Variants in LRP1B observed in about 807,000 individuals in gnomAD.
The protein encoded by LRP1B is low-density lipoprotein receptor-related protein 1B.
Under a neutral mutation model 556.6 loss-of-function variants are expected in LRP1B, and 217 were observed. The ratio of observed to expected loss-of-function variants is 0.39; its 90% CI spans 0.35 to 0.44. The LOEUF (loss-of-function observed/expected upper bound fraction) is 0.44, where lower values mean the gene tolerates loss of function less well. Among genes scored for constraint, LRP1B ranks in the 20% least tolerant of loss-of-function variants. The pLI is 1.00. For missense variants in LRP1B, 5,053 were observed against 5,620.8 expected (o/e 0.90, Z 3.23); for synonymous variants, 2,047 against 1,865.8 (o/e 1.10, Z -2.50).
intron 2 of LRP1B, among the ~76,000 whole-genome samples, chr2:141,648,779 C>A (rs1689676828): frequency 6.6e-6 from 1 of 152,128 alleles, no homozygotes; most frequent in Admixed American, 6.6e-5. Flanking sequence ...GGAGGAGAAA[C>A]TTTCAGATAC....
intron 1 of LRP1B, among the ~76,000 whole-genome samples, chr2:141,931,086 T>C (rs910297461): frequency 3.3e-5 from 5 of 152,036 alleles, no homozygotes; most frequent in African/African-American, 1.2e-4. Context: ...TGAGGAAATA[T>C]TATGTGTTAG....
chr2:141,383,079 C>T (rs978496079), intron 3 of LRP1B, among the ~76,000 whole-genome samples: 6 of 152,066 alleles, frequency 3.9e-5, no homozygotes, highest in African/African-American at 1.4e-4. Context: ...TATACATTTT[C>T]CAAAGAAGAC....
intron 3 of LRP1B, chr2:141,286,783 G>T: frequency 2.4e-6 from 1 of 419,680 alleles, no homozygotes; most frequent in Non-Finnish European, 5.0e-6. Flanking sequence ...CATTGTACAA[G>T]TGTATAAACT....
chr2:141,684,886 G>C (rs1239964961), intron 2 of LRP1B, among the ~76,000 whole-genome samples: 1 of 152,018 alleles, frequency 6.6e-6, no homozygotes, highest in Non-Finnish European at 1.5e-5. Flanking sequence ...AAATTATACA[G>C]GGATGGAAAA....
In LRP1B at chr2:141,247,466, C is replaced by T. The variant is rs1373236761; in HGVS notation, c.464-112G>A. 3 of 1,230,320 alleles carry T rather than the reference C, an allele frequency of 2.4e-6. No homozygotes were observed. In the African/African-American group the frequency reaches 4.5e-5, roughly 19 times the overall value. 76.2% of individuals were successfully genotyped at this position (1,230,320 alleles called of 1,614,324 possible). On this transcript the variant is annotated intron_variant, in intron 4 of 90. Transcript: ENST00000389484. ...CGGAAATAGACTATTAAGGAAAAGCCAATTCCAATAAGTCTTTTCAAAACC... is the reference window on the plus strand; with the variant it reads ...CGGAAATAGACTATTAAGGAAAAGCTAATTCCAATAAGTCTTTTCAAAACC...
intron 20 of LRP1B, among the ~76,000 whole-genome samples, chr2:140,946,873 C>T (rs1194323652): frequency 3.3e-5 from 5 of 152,060 alleles, no homozygotes; most frequent in Admixed American, 1.3e-4. Flanking sequence ...TCATTTACAG[C>T]GACATGAATG....
At chr2:141,594,553 A>T (rs1687449167) in intron 2 of LRP1B, among the ~76,000 whole-genome samples, 1 of 152,170 alleles carries the variant, frequency 6.6e-6, no homozygotes, top group South Asian at 2.1e-4. Context: ...GTGTCTAAGC[A>T]ACATGGACAA....
chr2:140,483,399 A>C (rs556644935), intron 59 of LRP1B, among the ~76,000 whole-genome samples: 1 of 151,876 alleles, frequency 6.6e-6, no homozygotes, highest in South Asian at 2.1e-4. Flanking sequence ...ATTCACTAGA[A>C]TAGGACACAG....
chr2:140,715,345 T>C (rs1559072391), intron 37 of LRP1B, among the ~76,000 whole-genome samples: 1 of 151,844 alleles, frequency 6.6e-6, no homozygotes, highest in Non-Finnish European at 1.5e-5. Context: ...TTAATTAGGG[T>C]AAAGATAAAG....
At chr2:141,862,367 T>C (rs1303827057) in intron 1 of LRP1B, among the ~76,000 whole-genome samples, 3 of 152,152 alleles carry the variant, frequency 2.0e-5, no homozygotes, top group African/African-American at 7.2e-5. Context: ...ATTACTAGAA[T>C]TGGATCCGCA....
At chr2:141,360,294 T>A (rs1471809879) in intron 3 of LRP1B, among the ~76,000 whole-genome samples, 1 of 152,226 alleles carries the variant, frequency 6.6e-6, no homozygotes, top group East Asian at 1.9e-4. Context: ...AATATCCAAG[T>A]CAGGACCAAA....
intron 2 of LRP1B, among the ~76,000 whole-genome samples, chr2:141,544,321 TCTTC>T (rs1685414174): frequency 2.1e-5 from 1 of 47,298 alleles, no homozygotes; most frequent in African/African-American, 1.0e-4. Flanking sequence ...TTCTTCTTCT[TCTTC>T]TTCTTCTTCT....
intron 1 of LRP1B, among the ~76,000 whole-genome samples, chr2:141,986,718 A>G (rs1702196850): frequency 6.6e-6 from 1 of 151,978 alleles, no homozygotes. Context: ...TAACTGATGA[A>G]GATGTAAATA....
intron 3 of LRP1B, among the ~76,000 whole-genome samples, chr2:141,346,123 CTTT>C (rs1432526141): frequency 1.3e-5 from 2 of 151,782 alleles, no homozygotes; most frequent in East Asian, 3.9e-4. Context: ...CACCAATTGT[CTTT>C]TTCTTCCATG....
In LRP1B at chr2:141,178,579, A is replaced by G. The variant is rs147673723; in HGVS notation, c.1013+9842T>C. Reference sequence around the variant, plus strand: ...ATGTAGCATATCCTATGTATGAGGGAAAAGATATTTAAATATTTGGTAGCC... The same window carrying G: ...ATGTAGCATATCCTATGTATGAGGGGAAAGATATTTAAATATTTGGTAGCC... On this transcript the variant is annotated intron_variant, in intron 7 of 90. Coordinates refer to ENST00000389484, the MANE Select transcript of LRP1B (RefSeq NM_018557.3). Among the ~76,000 whole-genome samples the G allele has an allele frequency of 6.8e-3, 1,041 of 152,194 alleles. 41 individuals are homozygous for G. Among genetic ancestry groups the G allele is most frequent in the Admixed American group, 0.055 (837 of 15,262 alleles).
chr2:140,312,615 T>TAAA (rs1684353804), intron 83 of LRP1B, among the ~76,000 whole-genome samples: 1 of 151,944 alleles, frequency 6.6e-6, no homozygotes, highest in Non-Finnish European at 1.5e-5. Context: ...TTACTCTGAT[T>TAAA]TCAATTATTT....
chr2:141,037,905 A>AACAC (rs3061748), intron 11 of LRP1B, among the ~76,000 whole-genome samples: 5 of 151,010 alleles, frequency 3.3e-5, no homozygotes, highest in South Asian at 4.2e-4. Flanking sequence ...CTCACATACA[A>AACAC]ACACACACAC....
chr2:141,489,327 A>G (rs1683247842), intron 2 of LRP1B, among the ~76,000 whole-genome samples: 1 of 151,222 alleles, frequency 6.6e-6, no homozygotes, highest in Non-Finnish European at 1.5e-5. Flanking sequence ...AGTTAGATCC[A>G]TTTTCTTGGA....
chr2:141,365,741 C>A (rs574200412), intron 3 of LRP1B, among the ~76,000 whole-genome samples: 1 of 140,810 alleles, frequency 7.1e-6, no homozygotes, highest in Non-Finnish European at 1.5e-5. Flanking sequence ...GGCACAATCT[C>A]GGCTACCTGC....
Sources: allele counts gnomAD v4.1 joint callset (sites outside exome capture counted in the v4.1 genomes callset), GRCh38; gene constraint gnomAD v4.1.1; transcripts MANE v1.5; gene names NCBI Gene and HGNC (gene_info 2026-07-23, HGNC 2026-07-21).